HEXD: variants seen among roughly 807,000 people sequenced by gnomAD.
HEXD encodes N-acetyl-beta-galactosaminidase.
HEXD carries 47 observed loss-of-function variants against 54.2 expected under a neutral mutation model. That is an observed-to-expected ratio of 0.87 (90% CI 0.69 to 1.11). The LOEUF is 1.11. Among genes scored for constraint, HEXD ranks in the 50% least tolerant of loss-of-function variants. The pLI is 0.00. For missense variants in HEXD, 576 were observed against 649.2 expected (o/e 0.89, Z 1.23); for synonymous variants, 293 against 287.6 (o/e 1.02, Z -0.19).
intron 4 of HEXD, among the ~76,000 whole-genome samples, chr17:82,430,871 T>C (rs2053557895): frequency 6.6e-6 from 1 of 152,126 alleles, no homozygotes; most frequent in African/African-American, 2.4e-5. Context: ...AAAAACTCTT[T>C]GTGATCACCA....
chr17:82,431,939 T>C (rs556957667), intron 4 of HEXD, among the ~76,000 whole-genome samples: 26 of 152,342 alleles, frequency 1.7e-4, no homozygotes, highest in Non-Finnish European at 3.5e-4. Flanking sequence ...TTTTTGTTGT[T>C]TTCTAGCAAA....
In HEXD at chr17:82,440,654, A is replaced by C. The variant is rs566133595; in HGVS notation, c.983-343A>C. On this transcript the variant is annotated intron_variant, in intron 9 of 12. Coordinates refer to ENST00000327949, the MANE Select transcript of HEXD (RefSeq NM_001330542.2). ...TCTAGAATATTCCATCGATTGTGTA[A>C]AACACAGTGGCAAACTCTGCGTGAG... 168 of 378,304 alleles carry C rather than the reference A, an allele frequency of 4.4e-4. 1 individual carries two copies. The highest frequency in any genetic ancestry group is 1.4e-3 in the Admixed American group (30 of 21,690). 23.4% of individuals were successfully genotyped at this position (378,304 alleles called of 1,614,324 possible). A position where few individuals can be genotyped will look rare whatever the true frequency, so the allele number is the denominator to read the frequency against.
intron 9 of HEXD, 140 bp downstream of exon 9, chr17:82,439,853 A>G (rs2053879014): frequency 1.3e-6 from 2 of 1,547,372 alleles, no homozygotes; most frequent in South Asian, 2.3e-5. Flanking sequence ...TCACCGCCCC[A>G]GCTCAGCCAC....
At chr17:82,435,627 C>G (rs2053737900) in intron 5 of HEXD, 62 bp from the exon 6 acceptor site, 2 of 1,539,116 alleles carry the variant, frequency 1.3e-6, no homozygotes, top group Non-Finnish European at 1.8e-6. Context: ...GGCGTGAACC[C>G]CGGACCCTCC....
At chr17:82,440,869 T>G in intron 9 of HEXD, 128 bp from the exon 10 acceptor site, 1 of 1,036,740 alleles carries the variant, frequency 9.6e-7, no homozygotes, top group East Asian at 2.4e-5. Flanking sequence ...CACGCGGGGC[T>G]GGGCCTGGCC....
chr17:82,428,520 C>G, intron 3 of HEXD, 38 bp from the exon 4 acceptor site: 1 of 1,571,378 alleles, frequency 6.4e-7, no homozygotes, highest in Non-Finnish European at 8.8e-7. Context: ...TCACGTGCTG[C>G]TCACATGACC....
intron 11 of HEXD, 60 bp from the exon 12 acceptor site, chr17:82,441,738 GCA>G (rs2053981836): frequency 7.7e-7 from 1 of 1,294,882 alleles, no homozygotes; most frequent in African/African-American, 1.5e-5. Context: ...CTGTATTACT[GCA>G]AAGCCGCCCC....
Position 82,442,015 on chromosome 17 carries a change from A to T in HEXD, c.1253+126A>T. On this transcript the variant is annotated intron_variant, in intron 12 of 12. Transcript: ENST00000327949. This position sits in a 1 kb window ranked among gnomAD's most constrained non-coding sequence, Gnocchi z 6.8. ...TAGTTGTAAAAGGCCCTCTGGTCTC[A>T]GATGTGCAGCTGTCACCGACTTGTT... The T allele has an allele frequency of 7.7e-7, 1 of 1,294,568 alleles. No individual in the cohort carries two copies. 80.2% of individuals were successfully genotyped at this position (1,294,568 alleles called of 1,614,324 possible).
rs1447548734 is a variant in HEXD, at chr17:82,435,840, T to C, written c.599T>C (p.Met200Thr). 2 of 1,610,970 alleles carry C rather than the reference T, an allele frequency of 1.2e-6. No homozygotes were observed. Among genetic ancestry groups the C allele is most frequent in the Non-Finnish European group, 1.7e-6 (2 of 1,179,350 alleles). Residue 200 changes from methionine to threonine, a missense_variant, in exon 6 of 13, where the codon ATG becomes ACG. Physicochemically the swap from Met to Thr is moderately conservative, Grantham distance 81. Transcript: ENST00000327949. ...GTGACACCCCTGGTGTGGGACGACA[T>C]GCTCCGAGACCTGCCTGAGGACCAG... ...PSVTPLVWDDMLRDLPEDQLA... is the reference protein window; with the variant it reads ...PSVTPLVWDDTLRDLPEDQLA...
At chr17:82,418,915 TG>T (rs2053149668) in intron 1 of HEXD, among the ~76,000 whole-genome samples, 175 bp downstream of exon 1, 1 of 152,144 alleles carries the variant, frequency 6.6e-6, no homozygotes, top group Non-Finnish European at 1.5e-5. Context: ...GCACAGAGCC[TG>T]TGGGTGTAAA....
Position 82,418,528 on chromosome 17 carries a change from G to A in HEXD, c.-264G>A, listed in dbSNP as rs780889242. ...GAGCCGGGCCGGACGCGGGCGCCAG[G>A]CCCGGGGACGAACGCCGTAACAGGG... On this transcript the variant is annotated 5_prime_UTR_variant, in exon 1 of 13. Transcript: ENST00000327949. 6,524 of 1,179,426 alleles carry A rather than the reference G, an allele frequency of 5.5e-3. 32 individuals are homozygous for A. Among genetic ancestry groups the A allele is most frequent in the Non-Finnish European group, 6.1e-3 (5,600 of 916,294 alleles). The allele number at this position is 1,179,426 out of a possible 1,614,324, so 73.1% of individuals were successfully genotyped here. A position where few individuals can be genotyped will look rare whatever the true frequency, so the allele number is the denominator to read the frequency against.
intron 4 of HEXD, among the ~76,000 whole-genome samples, chr17:82,433,121 TA>T (rs2053649348): frequency 8.7e-4 from 14 of 16,172 alleles, no homozygotes; most frequent in African/African-American, 1.4e-3. Flanking sequence ...TATATATATA[TA>T]TATATATTTT....
At chr17:82,436,832 C>A in intron 7 of HEXD, 94 bp downstream of exon 7, 1 of 1,195,994 alleles carries the variant, frequency 8.4e-7, no homozygotes. Flanking sequence ...ACTGCCCAGC[C>A]TGGAGCCTGC....
At chr17:82,424,318 C>T (rs144728412) in intron 2 of HEXD, 76 bp from the exon 3 acceptor site, 29 of 885,506 alleles carry the variant, frequency 3.3e-5, no homozygotes, top group African/African-American at 6.6e-5. Context: ...AAAGGGAAGG[C>T]GTCTCCCTGC....
chr17:82,426,766 A>G (rs1599728229), intron 3 of HEXD: 1 of 152,178 alleles, frequency 6.6e-6, no homozygotes, highest in African/African-American at 2.4e-5. Context: ...AGGCAGGCGG[A>G]TCATGAAGTC....
At chr17:82,440,896 C>T (rs2053922874) in intron 9 of HEXD, 101 bp from the exon 10 acceptor site, 22 of 1,366,910 alleles carry the variant, frequency 1.6e-5, no homozygotes, top group Middle Eastern at 1.9e-4. Flanking sequence ...TCTCCATTGC[C>T]GCCCGCCCAC....
chr17:82,419,733 T>G lies in HEXD; in HGVS notation c.-51-16T>G. 9.9e-7 allele frequency: 1 copy of G among 1,005,576 alleles called. No homozygotes were observed. Among genetic ancestry groups the G allele is most frequent in the Non-Finnish European group, 1.6e-6 (1 of 643,762 alleles). 62.3% of individuals were successfully genotyped at this position (1,005,576 alleles called of 1,614,324 possible). A position where few individuals can be genotyped will look rare whatever the true frequency, so the allele number is the denominator to read the frequency against. ...AGCTTCTGCCCCTGTTGATAACTCT[T>G]GATTTTCTCCACTAGGAAGAAGTCC... On this transcript the variant is annotated splice_polypyrimidine_tract_variant and intron_variant, in intron 1 of 12. Transcript: ENST00000327949.
rs779107983 is a variant in HEXD, at chr17:82,437,373, G to C, written c.899+10G>C. The C allele has an allele frequency of 6.3e-7, 1 of 1,578,144 alleles. No homozygotes were observed. The highest frequency in any genetic ancestry group is 1.7e-5 in the Admixed American group (1 of 58,262). On this transcript the variant is annotated intron_variant, in intron 8 of 12. Transcript: ENST00000327949. ...TGACCGGCTGGCAGAGGTAAGTCCT[G>C]GCCAGTCTGTCCTCAGAGGGTCCAG...
Position 82,419,373 on chromosome 17 carries a change from G to A in HEXD, c.-51-376G>A, listed in dbSNP as rs561477981. On this transcript the variant is annotated intron_variant, in intron 1 of 12. Coordinates refer to ENST00000327949, the MANE Select transcript of HEXD (RefSeq NM_001330542.2). ...CTAAAATTTGGATAAATTTCCTACA[G>A]AAGCATCATATTGTGCGGCCTGATA... 2.0e-5 allele frequency among the ~76,000 whole-genome samples: 3 copies of A among 152,312 alleles called. No individual in the cohort carries two copies. The South Asian group carries it at 6.2e-4, about 32-fold the overall frequency.
Sources: gnomAD v4.1 joint callset for allele counts (sites outside exome capture counted in the v4.1 genomes callset) on GRCh38, gnomAD v4.1.1 for gene constraint, Gnocchi (gnomAD v3.1) non-coding constraint, MANE v1.5 for transcripts, NCBI Gene and HGNC (gene_info 2026-07-23, HGNC 2026-07-21) for gene names.